JADE1: variants seen among roughly 807,000 people sequenced by gnomAD.
JADE1 encodes the protein jade family PHD finger 1, also known as protein Jade-1.
In JADE1, 14 loss-of-function variants were observed where a neutral mutation model predicts 81.8. The ratio of observed to expected loss-of-function variants is 0.17; its 90% CI spans 0.11 to 0.27. The LOEUF is 0.27. Ranked by LOEUF, JADE1 falls within the 10% of genes least tolerant of loss-of-function variation. The probability of loss-of-function intolerance (pLI) is 1.00; values close to 1 mark genes in which losing one functional copy is unlikely to be tolerated. For synonymous variants in JADE1, 353 were observed against 391.9 expected, an observed-to-expected ratio of 0.90 and a Z score of 1.17; for missense variants, 690 against 1,047.9, an observed-to-expected ratio of 0.66 and a Z score of 4.71.
intron 1 of JADE1, among the ~76,000 whole-genome samples, chr4:128,822,383 T>C (rs1727655650): frequency 6.6e-6 from 1 of 152,018 alleles, no homozygotes; most frequent in Non-Finnish European, 1.5e-5. Flanking sequence ...AAAAGTATCT[T>C]TACTATTATA....
chr4:128,872,033 A>G lies in JADE1; in HGVS notation c.2300A>G (p.Asp767Gly). The G allele has an allele frequency of 3.7e-6, 6 of 1,614,000 alleles. No homozygotes were observed. The highest frequency in any genetic ancestry group is 5.1e-6 in the Non-Finnish European group (6 of 1,179,942). ...GERQQQGEAH[D>G]GACHQHSDYP... ...CGGCAGCAGCAGGGAGAGGCCCACG[A>G]TGGGGCCTGCCACCAGCACTCAGAC... The change falls in exon 11 of 11, where the codon GAT becomes GGT. Residue 767 changes from aspartate to glycine, a missense_variant. By Grantham distance (94) the Asp-to-Gly change is moderately conservative. Transcript: ENST00000226319.
intron 1 of JADE1, among the ~76,000 whole-genome samples, chr4:128,824,268 A>T (rs115348233): frequency 0.025 from 3,779 of 151,576 alleles, 122 homozygotes; most frequent in African/African-American, 0.075. Flanking sequence ...ATTACAAAAA[A>T]ATATATATAT....
chr4:128,811,922 G>C (rs1176266700), intron 1 of JADE1: 1 of 151,982 alleles, frequency 6.6e-6, no homozygotes, highest in Non-Finnish European at 1.5e-5. Context: ...CGCCGCCGCT[G>C]CCGCTCCCAT....
chr4:128,853,512 G>A (rs1730541122), intron 6 of JADE1, among the ~76,000 whole-genome samples: 1 of 152,156 alleles, frequency 6.6e-6, no homozygotes, highest in Non-Finnish European at 1.5e-5. Flanking sequence ...GATTTCAGGA[G>A]GATGGGCGCT....
At chr4:128,834,965 G>T (rs946385582) in intron 2 of JADE1, among the ~76,000 whole-genome samples, 1 of 151,274 alleles carries the variant, frequency 6.6e-6, no homozygotes, top group Non-Finnish European at 1.5e-5. Context: ...GGGCAACAAA[G>T]CGAGAACCCA....
chr4:128,868,127 C>A (rs1018798999), intron 10 of JADE1, among the ~76,000 whole-genome samples, 154 bp downstream of exon 10: 1 of 152,172 alleles, frequency 6.6e-6, no homozygotes, highest in African/African-American at 2.4e-5. Context: ...TTTGAGGCAT[C>A]ATGTTTAAGG....
At chr4:128,814,342 C>T (rs1032795889) in intron 1 of JADE1, among the ~76,000 whole-genome samples, 4 of 152,092 alleles carry the variant, frequency 2.6e-5, no homozygotes, top group Non-Finnish European at 5.9e-5. Flanking sequence ...ATAGTAGGCA[C>T]GTGACCGATA....
rs1732290462 is a variant in JADE1, at chr4:128,872,813, T to C, written c.*551T>C. On this transcript the variant is annotated 3_prime_UTR_variant, in exon 11 of 11. Coordinates refer to ENST00000226319, the MANE Select transcript of JADE1 (RefSeq NM_199320.4). Reference sequence around the variant, plus strand: ...TCAGTAACACTAAGAAATTTATGTGTAAATATAGCAGTCAGGGAAGAGAAT... The same window carrying C: ...TCAGTAACACTAAGAAATTTATGTGCAAATATAGCAGTCAGGGAAGAGAAT... The C allele has an allele frequency of 2.4e-6, 1 of 424,898 alleles. No individual in the cohort carries two copies. Among genetic ancestry groups the C allele is most frequent in the South Asian group, 1.7e-5 (1 of 60,604 alleles). 26.3% of individuals were successfully genotyped at this position (424,898 alleles called of 1,614,324 possible). A position where few individuals can be genotyped will look rare whatever the true frequency, so the allele number is the denominator to read the frequency against.
intron 1 of JADE1, among the ~76,000 whole-genome samples, chr4:128,826,432 A>C (rs1728077920): frequency 6.6e-6 from 1 of 151,628 alleles, no homozygotes; most frequent in African/African-American, 2.4e-5. Flanking sequence ...CGCTCAGCTC[A>C]CTGCAACCTC....
chr4:128,850,333 A>G (rs1213794880), intron 5 of JADE1, among the ~76,000 whole-genome samples: 2 of 150,664 alleles, frequency 1.3e-5, no homozygotes, highest in Non-Finnish European at 3.0e-5. Context: ...AAAAATCACA[A>G]GATTTTTGTC....
At chr4:128,830,100 A>T (rs952410781) in intron 1 of JADE1, among the ~76,000 whole-genome samples, 1 of 151,440 alleles carries the variant, frequency 6.6e-6, no homozygotes, top group Non-Finnish European at 1.5e-5. Flanking sequence ...CTGGTCTCGA[A>T]CTGCTGACCT....
intron 8 of JADE1, among the ~76,000 whole-genome samples, chr4:128,859,682 A>C (rs1731162004): frequency 6.6e-6 from 1 of 152,226 alleles, no homozygotes; most frequent in African/African-American, 2.4e-5. Flanking sequence ...CTGAGCGTAG[A>C]ATTTATGCCC....
At chr4:128,859,093 T>C (rs1731053277) in intron 8 of JADE1, among the ~76,000 whole-genome samples, 2 of 152,080 alleles carry the variant, frequency 1.3e-5, no homozygotes, top group South Asian at 4.1e-4. Flanking sequence ...GACAAACGCC[T>C]CTGGCCCGAG....
At chr4:128,848,065 G>C (rs1272209732) in intron 4 of JADE1, among the ~76,000 whole-genome samples, 1 of 152,194 alleles carries the variant, frequency 6.6e-6, no homozygotes, top group African/African-American at 2.4e-5. Context: ...AGTACCAGGA[G>C]GAGAAACTTG....
intron 6 of JADE1, 146 bp downstream of exon 6, chr4:128,852,414 T>A (rs776755427): frequency 1.5e-6 from 1 of 646,344 alleles, no homozygotes; most frequent in Non-Finnish European, 2.7e-6. Flanking sequence ...AGACTTTATT[T>A]TTCCCTAGTA....
intron 1 of JADE1, among the ~76,000 whole-genome samples, chr4:128,828,934 C>T (rs964492906): frequency 1.3e-5 from 2 of 152,160 alleles, no homozygotes; most frequent in South Asian, 2.1e-4. Context: ...TGTGAGCCAC[C>T]GCGACCAGCC....
At chr4:128,869,877 C>T (rs572556171) in intron 10 of JADE1, among the ~76,000 whole-genome samples, 55 of 152,264 alleles carry the variant, frequency 3.6e-4, no homozygotes, top group Admixed American at 3.3e-3. Context: ...AGGCTTCAGT[C>T]GTGTTCTTAT....
chr4:128,815,050 CTTT>C (rs869103655), intron 1 of JADE1, among the ~76,000 whole-genome samples: 2 of 137,406 alleles, frequency 1.5e-5, no homozygotes, highest in African/African-American at 2.7e-5. Flanking sequence ...TCTTAAGTAA[CTTT>C]TTTTTTTTTT....
intron 10 of JADE1, 24 bp downstream of exon 10, chr4:128,867,997 C>A: frequency 7.6e-7 from 1 of 1,310,148 alleles, no homozygotes; most frequent in South Asian, 1.2e-5. Flanking sequence ...CCTGGTAGGT[C>A]AAAGTATAGG....
Sources: gnomAD v4.1 joint callset for allele counts (sites outside exome capture counted in the v4.1 genomes callset) on GRCh38, gnomAD v4.1.1 for gene constraint, MANE v1.5 for transcripts, NCBI Gene and HGNC (gene_info 2026-07-23, HGNC 2026-07-21) for gene names.